JAKMIP3: variants seen among roughly 807,000 people sequenced by gnomAD.
JAKMIP3 encodes the protein janus kinase and microtubule-interacting protein 3.
In JAKMIP3, 58 loss-of-function variants were observed where a neutral mutation model predicts 118.5. The observed-to-expected ratio is 0.49, with a 90% CI of 0.40 to 0.61. The LOEUF (loss-of-function observed/expected upper bound fraction) is 0.61, where lower values mean the gene tolerates loss of function less well. Among genes scored for constraint, JAKMIP3 ranks in the 20% least tolerant of loss-of-function variants. The pLI is 0.00. For synonymous variants in JAKMIP3, 486 were observed against 451.2 expected, an observed-to-expected ratio of 1.08 and a Z score of -0.98; for missense variants, 950 against 1,109.0, an observed-to-expected ratio of 0.86 and a Z score of 2.04.
At chr10:132,088,789 A>G (rs1440007357) in intron 1 of JAKMIP3, among the ~76,000 whole-genome samples, 4 of 152,218 alleles carry the variant, frequency 2.6e-5, no homozygotes, top group African/African-American at 9.6e-5. Flanking sequence ...GCCCATGCCT[A>G]TGTCCTGAAT....
intron 1 of JAKMIP3, among the ~76,000 whole-genome samples, chr10:132,091,237 G>T (rs979922188): frequency 2.0e-5 from 3 of 152,044 alleles, no homozygotes; most frequent in Non-Finnish European, 4.4e-5. Context: ...ATGTGGTGCT[G>T]AGAAGAATGT....
chr10:132,156,309 G>T (rs2057087556), intron 19 of JAKMIP3, among the ~76,000 whole-genome samples: 1 of 152,132 alleles, frequency 6.6e-6, no homozygotes, highest in Non-Finnish European at 1.5e-5. Flanking sequence ...CTGATTGCTG[G>T]CATGGACAGG....
intron 1 of JAKMIP3, among the ~76,000 whole-genome samples, chr10:132,056,929 CTCCCGCCCTGGGTTCCAGG>C (rs2038253261): frequency 6.6e-6 from 1 of 152,152 alleles, no homozygotes; most frequent in Non-Finnish European, 1.5e-5. Context: ...AGAGGTCCAG[CTCCCGCCCTGGGTTCCAGG>C]TCCTGCCCTG....
intron 3 of JAKMIP3, among the ~76,000 whole-genome samples, chr10:132,131,497 A>AGC (rs2050601020): frequency 6.6e-6 from 1 of 151,418 alleles, no homozygotes; most frequent in Non-Finnish European, 1.5e-5. Context: ...GCTCTGGGGC[A>AGC]CCCGGGGGCT....
chr10:132,053,697 T>C (rs1168327155), intron 1 of JAKMIP3, among the ~76,000 whole-genome samples: 1 of 152,128 alleles, frequency 6.6e-6, no homozygotes, highest in East Asian at 1.9e-4. Context: ...TTCCATGGTT[T>C]GAAGAGGGTT....
At chr10:132,174,745 T>C (rs964682517) in intron 23 of JAKMIP3, among the ~76,000 whole-genome samples, 1 of 152,198 alleles carries the variant, frequency 6.6e-6, no homozygotes, top group Non-Finnish European at 1.5e-5. Context: ...GGATTTCCGT[T>C]GCCCCACACG....
intron 1 of JAKMIP3, among the ~76,000 whole-genome samples, chr10:132,073,689 G>A (rs570178999): frequency 2.6e-5 from 4 of 151,958 alleles, no homozygotes; most frequent in South Asian, 4.2e-4. Flanking sequence ...GTAAAGACTC[G>A]GTTTTACCCC....
chr10:132,106,200 C>T (rs557686712), intron 2 of JAKMIP3, among the ~76,000 whole-genome samples: 3 of 152,058 alleles, frequency 2.0e-5, no homozygotes, highest in East Asian at 1.9e-4. Flanking sequence ...TACGCAGGTG[C>T]GGTGGTATGC....
chr10:132,071,123 C>T (rs552952001), intron 1 of JAKMIP3, among the ~76,000 whole-genome samples: 43 of 150,090 alleles, frequency 2.9e-4, no homozygotes, highest in Admixed American at 1.1e-3. Context: ...TTTATAACTT[C>T]GTTATGATTT....
intron 16 of JAKMIP3, among the ~76,000 whole-genome samples, chr10:132,150,395 A>T (rs1373157347): frequency 2.6e-5 from 4 of 152,196 alleles, no homozygotes; most frequent in African/African-American, 4.8e-5. Flanking sequence ...TTGGGGGAAA[A>T]GCAGACTCTA....
intron 23 of JAKMIP3, among the ~76,000 whole-genome samples, chr10:132,175,793 C>G (rs2060087249): frequency 6.6e-6 from 1 of 152,222 alleles, no homozygotes; most frequent in Non-Finnish European, 1.5e-5. Context: ...ATCCACAGTT[C>G]ATGGCCATCA....
chr10:132,084,789 G>A (rs1004913666), intron 1 of JAKMIP3, among the ~76,000 whole-genome samples: 1 of 152,160 alleles, frequency 6.6e-6, no homozygotes, highest in Non-Finnish European at 1.5e-5. Context: ...ATAAAGGGAT[G>A]CTAGATTTTG....
At chr10:132,055,456 A>G (rs2038212483) in intron 1 of JAKMIP3, among the ~76,000 whole-genome samples, 1 of 152,190 alleles carries the variant, frequency 6.6e-6, no homozygotes, top group South Asian at 2.1e-4. Context: ...TTAAAATGCA[A>G]CATCTTTTTT....
chr10:132,042,216 T>TTCCTTCCTTCCTTCCTTCCTTCCTTCCC (rs1257478085), intron 1 of JAKMIP3, among the ~76,000 whole-genome samples: 1 of 150,956 alleles, frequency 6.6e-6, no homozygotes, highest in African/African-American at 2.5e-5. Context: ...CCTTCCTTCC[T>TTCCTTCCTTCCTTCCTTCCTTCCTTCCC]TCTTTCCTCC....
At chr10:132,110,712 A>G (rs182375303) in intron 2 of JAKMIP3, among the ~76,000 whole-genome samples, 1 of 152,366 alleles carries the variant, frequency 6.6e-6, no homozygotes, top group Admixed American at 6.5e-5. Context: ...ACTCAAGAAT[A>G]AAATGATTTA....
chr10:132,042,962 C>T (rs1276269484), intron 1 of JAKMIP3, among the ~76,000 whole-genome samples: 1 of 149,912 alleles, frequency 6.7e-6, no homozygotes, highest in Non-Finnish European at 1.5e-5. Context: ...GTTATGGTGG[C>T]ACGTTCTTGA....
At chr10:132,064,118 C>G (rs1383648953), upstream of JAKMIP3, among the ~76,000 whole-genome samples, 1 of 152,172 alleles carries the variant, frequency 6.6e-6, no homozygotes, top group African/African-American at 2.4e-5. This position sits in a 1 kb window ranked among gnomAD's most constrained non-coding sequence, Gnocchi z 4.4. Flanking sequence ...GTGCGTTTCC[C>G]ATCGCTTGTT....
chr10:132,131,264 G>A (rs2050513427), intron 3 of JAKMIP3, among the ~76,000 whole-genome samples: 1 of 148,948 alleles, frequency 6.7e-6, no homozygotes, highest in Non-Finnish European at 1.5e-5. Flanking sequence ...GGAGATGGGA[G>A]CTTATGAGGT....
At chr10:132,088,152 G>T (rs1353261944) in intron 1 of JAKMIP3, among the ~76,000 whole-genome samples, 1 of 152,012 alleles carries the variant, frequency 6.6e-6, no homozygotes, top group Non-Finnish European at 1.5e-5. Flanking sequence ...ATTGTGAATA[G>T]TGCCGCAGTA....
Sources: allele counts gnomAD v4.1 joint callset (sites outside exome capture counted in the v4.1 genomes callset), GRCh38; gene constraint gnomAD v4.1.1; non-coding constraint Gnocchi (gnomAD v3.1); transcripts MANE v1.5; gene names NCBI Gene and HGNC (gene_info 2026-07-23, HGNC 2026-07-21).